The following SLC8A1 variants were observed in gnomAD, a reference collection of about 807,000 sequenced individuals.
The protein encoded by SLC8A1 is solute carrier family 8 member A1.
A neutral mutation model predicts 68.3 loss-of-function variants in SLC8A1; 18 were observed. The observed-to-expected ratio is 0.26, with a 90% CI of 0.18 to 0.39. The LOEUF is 0.39. SLC8A1 is among the 10% of genes least tolerant of loss of function. SLC8A1 has a pLI of 1.00. For synonymous variants in SLC8A1, 475 were observed against 415.5 expected (o/e 1.14, Z -1.74); for missense variants, 985 against 1,156.7 (o/e 0.85, Z 2.15).
chr2:40,253,146 TATAC>T (rs201702876), intron 2 of SLC8A1, among the ~76,000 whole-genome samples: 7,873 of 118,444 alleles, frequency 0.066, 286 homozygotes, highest in Non-Finnish European at 0.084. Flanking sequence ...TGTATATGTA[TATAC>T]ATACATATAT....
At chr2:40,257,403 T>C (rs2064090241) in intron 2 of SLC8A1, among the ~76,000 whole-genome samples, 1 of 151,542 alleles carries the variant, frequency 6.6e-6, no homozygotes, top group Admixed American at 6.6e-5. Context: ...ATGACGATTA[T>C]GGAAATTAGC....
intron 1 of SLC8A1, among the ~76,000 whole-genome samples, chr2:40,511,408 T>G (rs1295133209): frequency 1.3e-5 from 2 of 152,186 alleles, no homozygotes; most frequent in Non-Finnish European, 2.9e-5. Context: ...CAGATATGCT[T>G]TAATTTAATA....
intron 2 of SLC8A1, among the ~76,000 whole-genome samples, chr2:40,193,173 C>T (rs2052226155): frequency 1.3e-5 from 2 of 152,114 alleles, no homozygotes; most frequent in Admixed American, 1.3e-4. Context: ...TAATGTTGAT[C>T]TCACCATGAC....
At chr2:40,149,813 G>A (rs541132574) in intron 6 of SLC8A1, among the ~76,000 whole-genome samples, 1 of 152,252 alleles carries the variant, frequency 6.6e-6, no homozygotes, top group East Asian at 1.9e-4. Context: ...TGTTGGTCAG[G>A]AAAGCTTCAA....
At chr2:40,451,235 G>C (rs1362214893) in intron 1 of SLC8A1, among the ~76,000 whole-genome samples, 1 of 152,154 alleles carries the variant, frequency 6.6e-6, no homozygotes, top group African/African-American at 2.4e-5. Context: ...ATCTCTTGGG[G>C]AAAGATGCCT....
chr2:40,248,408 G>T (rs966688576), intron 2 of SLC8A1, among the ~76,000 whole-genome samples: 1 of 152,088 alleles, frequency 6.6e-6, no homozygotes, highest in Admixed American at 6.5e-5. Flanking sequence ...AAGAGGCCCT[G>T]GACATCTCCC....
chr2:40,444,783 T>C (rs1360871617), intron 1 of SLC8A1, among the ~76,000 whole-genome samples: 2 of 152,238 alleles, frequency 1.3e-5, no homozygotes, highest in Non-Finnish European at 2.9e-5. Flanking sequence ...TGCCCATTCA[T>C]TTATATATCA....
chr2:40,175,345 G>C, intron 3 of SLC8A1, 64 bp from the exon 4 acceptor site: 1 of 1,527,688 alleles, frequency 6.5e-7, no homozygotes, highest in East Asian at 2.3e-5. Context: ...GAAAGTAAGA[G>C]GAATATCAGC....
chr2:40,109,178 C>T (rs1004512598), exon 8 of SLC8A1: 9 of 152,204 alleles, frequency 5.9e-5, no homozygotes, highest in Non-Finnish European at 1.2e-4. Context: ...GTCTGTTTGG[C>T]TATTAATGTG....
At chr2:40,442,873 G>C (rs1193394093) in intron 1 of SLC8A1, among the ~76,000 whole-genome samples, 1 of 152,164 alleles carries the variant, frequency 6.6e-6, no homozygotes, top group Non-Finnish European at 1.5e-5. Flanking sequence ...ATCAACGAGA[G>C]GCTGGATAAA....
intron 2 of SLC8A1, among the ~76,000 whole-genome samples, chr2:40,276,279 T>C (rs903283350): frequency 3.9e-5 from 6 of 152,176 alleles, no homozygotes; most frequent in African/African-American, 1.2e-4. Context: ...CTGGCTTCTT[T>C]TGGTGACCAC....
At chr2:40,150,566 A>G (rs530982857) in intron 6 of SLC8A1, among the ~76,000 whole-genome samples, 1 of 152,342 alleles carries the variant, frequency 6.6e-6, no homozygotes, top group East Asian at 1.9e-4. Context: ...TCTTGGACCC[A>G]GTGATGGCAC....
chr2:40,439,302 C>T (rs1214232045), intron 1 of SLC8A1, among the ~76,000 whole-genome samples: 1 of 152,148 alleles, frequency 6.6e-6, no homozygotes, highest in Non-Finnish European at 1.5e-5. Flanking sequence ...GGGACATCTT[C>T]AGAGACCTAT....
chr2:40,118,847 C>T (rs2036146486), intron 7 of SLC8A1, among the ~76,000 whole-genome samples: 1 of 151,950 alleles, frequency 6.6e-6, no homozygotes, highest in African/African-American at 2.4e-5. Context: ...GACAGGTGAC[C>T]TGGTGCTGTT....
At chr2:40,385,384 T>C (rs563762147) in intron 2 of SLC8A1, among the ~76,000 whole-genome samples, 9 of 148,354 alleles carry the variant, frequency 6.1e-5, no homozygotes, top group Non-Finnish European at 1.0e-4. Context: ...AAAACATTCA[T>C]TTATTTTTTC....
chr2:40,357,101 G>A (rs888397227), intron 2 of SLC8A1, among the ~76,000 whole-genome samples: 1 of 152,310 alleles, frequency 6.6e-6, no homozygotes, highest in East Asian at 1.9e-4. Flanking sequence ...GCACATGAAA[G>A]AGAGTTCCAG....
chr2:40,265,818 T>A (rs2065288659), intron 2 of SLC8A1, among the ~76,000 whole-genome samples: 1 of 152,058 alleles, frequency 6.6e-6, no homozygotes, highest in African/African-American at 2.4e-5. Flanking sequence ...AACACTTCTA[T>A]AGCATGCAAT....
rs1000974917 is a variant in SLC8A1 at position 40,337,745 on chromosome 2, A to G, written c.1808+90728T>C. ...AAATGCAAAATAATTCCTTCTATTC[A>G]TGGAGAAATATACTATCCTGATGAT... On this transcript the variant is annotated intron_variant, in intron 2 of 7. Coordinates refer to ENST00000406785, the Ensembl canonical transcript of SLC8A1. Among the ~76,000 whole-genome samples the G allele has an allele frequency of 1.4e-4, 21 of 152,196 alleles. No homozygotes were observed. In the South Asian group the frequency reaches 4.1e-3, roughly 30 times the overall value.
At chr2:40,116,255 G>T (rs2035349612) in intron 7 of SLC8A1, among the ~76,000 whole-genome samples, 1 of 152,136 alleles carries the variant, frequency 6.6e-6, no homozygotes. Flanking sequence ...AGAGCCTTAA[G>T]AATAAAAAAG....
Sources: allele counts gnomAD v4.1 joint callset (sites outside exome capture counted in the v4.1 genomes callset), GRCh38; gene constraint gnomAD v4.1.1; transcripts MANE v1.5; gene names NCBI Gene and HGNC (gene_info 2026-07-23, HGNC 2026-07-21).